Variants in AGBL1 observed in about 807,000 individuals in gnomAD.
The protein encoded by AGBL1 is AGBL carboxypeptidase 1.
Under a neutral mutation model 118.9 loss-of-function variants are expected in AGBL1, and 130 were observed. That is an observed-to-expected ratio of 1.09 (90% CI 0.95 to 1.26). The LOEUF (loss-of-function observed/expected upper bound fraction) is 1.26, where lower values mean the gene tolerates loss of function less well. AGBL1 is among the 50% of genes most tolerant of loss of function. AGBL1 has a pLI of 0.00. For synonymous variants in AGBL1, 555 were observed against 478.9 expected (o/e 1.16, Z -2.08); for missense variants, 1,584 against 1,298.1 (o/e 1.22, Z -3.38).
chr15:86,226,565 G>A (rs951006380), intron 6 of AGBL1, among the ~76,000 whole-genome samples: 2 of 152,184 alleles, frequency 1.3e-5, no homozygotes, highest in Admixed American at 1.3e-4. Flanking sequence ...AACTCTGAAA[G>A]TAGTCTTATG....
intron 22 of AGBL1, among the ~76,000 whole-genome samples, chr15:86,837,992 T>G (rs544942952): frequency 1.3e-5 from 2 of 152,284 alleles, no homozygotes; most frequent in African/African-American, 4.8e-5. Flanking sequence ...AATCGTTTCC[T>G]CCATTGAATT....
intron 5 of AGBL1, among the ~76,000 whole-genome samples, chr15:86,200,891 C>T (rs116244973): frequency 0.031 from 4,721 of 152,150 alleles, 116 homozygotes; most frequent in East Asian, 0.084. Context: ...GTTAGGATTA[C>T]AGGTGTGAGC....
At chr15:86,463,598 T>C (rs1316722039) in intron 18 of AGBL1, among the ~76,000 whole-genome samples, 2 of 152,228 alleles carry the variant, frequency 1.3e-5, no homozygotes, top group African/African-American at 2.4e-5. Flanking sequence ...CTTTAATCCA[T>C]CTTGAGTTAA....
intron 23 of AGBL1, among the ~76,000 whole-genome samples, chr15:86,986,208 G>T (rs181313143): frequency 2.6e-5 from 4 of 152,272 alleles, no homozygotes; most frequent in Admixed American, 2.6e-4. Context: ...ACAGGCGTGA[G>T]CCACGGCGCC....
intron 1 of AGBL1, among the ~76,000 whole-genome samples, chr15:86,136,141 A>T (rs1031875909): frequency 6.6e-6 from 1 of 152,134 alleles, no homozygotes; most frequent in South Asian, 2.1e-4. Context: ...ATACCATGGG[A>T]AGCAGTAGAA....
At chr15:86,831,709 G>A (rs1427728031) in intron 22 of AGBL1, among the ~76,000 whole-genome samples, 3 of 152,178 alleles carry the variant, frequency 2.0e-5, no homozygotes, top group African/African-American at 7.2e-5. Context: ...TTGAGTGACT[G>A]CAGATTTTCC....
intron 21 of AGBL1, among the ~76,000 whole-genome samples, chr15:86,584,897 C>T (rs1252598090): frequency 6.6e-6 from 1 of 152,080 alleles, no homozygotes; most frequent in Non-Finnish European, 1.5e-5. Flanking sequence ...AGACCTTTGA[C>T]TTCCTTGATT....
At chr15:86,236,243 G>A (rs1484937158) in intron 6 of AGBL1, among the ~76,000 whole-genome samples, 5 of 152,112 alleles carry the variant, frequency 3.3e-5, no homozygotes, top group Admixed American at 6.6e-5. Flanking sequence ...CAGTCCCAGG[G>A]GCACACAGTA....
intron 18 of AGBL1, among the ~76,000 whole-genome samples, chr15:86,497,870 A>G (rs2082872994): frequency 6.6e-6 from 1 of 151,820 alleles, no homozygotes. Context: ...TAAATCACAT[A>G]CCGCTACACC....
At chr15:86,338,158 C>T (rs983627369) in intron 17 of AGBL1, among the ~76,000 whole-genome samples, 2 of 152,108 alleles carry the variant, frequency 1.3e-5, no homozygotes, top group Non-Finnish European at 2.9e-5. Context: ...GAGAAAAGGT[C>T]AGGAAGTCTC....
At chr15:86,230,434 C>A (rs2078437512) in intron 6 of AGBL1, among the ~76,000 whole-genome samples, 1 of 152,202 alleles carries the variant, frequency 6.6e-6, no homozygotes, top group South Asian at 2.1e-4. Flanking sequence ...CATTGTTAAT[C>A]CTTTGATCTC....
chr15:86,716,301 T>A (rs765237879), intron 22 of AGBL1, among the ~76,000 whole-genome samples: 115 of 152,010 alleles, frequency 7.6e-4, no homozygotes, highest in Non-Finnish European at 1.5e-3. Flanking sequence ...TTTTTTTTTT[T>A]AAGTTAGCAT....
chr15:86,546,437 A>T (rs565730117), intron 20 of AGBL1, among the ~76,000 whole-genome samples: 1 of 152,246 alleles, frequency 6.6e-6, no homozygotes, highest in East Asian at 1.9e-4. Context: ...CTTTACAATT[A>T]TTCGATTATT....
At chr15:86,848,415 A>C (rs1402437961) in intron 22 of AGBL1, among the ~76,000 whole-genome samples, 1 of 152,226 alleles carries the variant, frequency 6.6e-6, no homozygotes, top group Non-Finnish European at 1.5e-5. Context: ...GAAAGAATTA[A>C]TGAGAATGTA....
intron 22 of AGBL1, among the ~76,000 whole-genome samples, chr15:86,866,332 T>C (rs1255528519): frequency 6.6e-6 from 1 of 152,184 alleles, no homozygotes; most frequent in Non-Finnish European, 1.5e-5. Flanking sequence ...TCAGTTCCAT[T>C]GATGGCCTGA....
intron 22 of AGBL1, among the ~76,000 whole-genome samples, chr15:86,871,681 C>G (rs2079730161): frequency 6.6e-6 from 1 of 152,126 alleles, no homozygotes; most frequent in East Asian, 1.9e-4. Flanking sequence ...GGTTTTTATT[C>G]TGGTATTGCA....
chr15:86,844,405 A>T (rs2079289571), intron 22 of AGBL1, among the ~76,000 whole-genome samples: 2 of 152,130 alleles, frequency 1.3e-5, no homozygotes, highest in African/African-American at 4.8e-5. Context: ...TAGCTATTCT[A>T]GTGAGTTGTA....
intron 5 of AGBL1, among the ~76,000 whole-genome samples, chr15:86,208,460 G>T (rs4887413): frequency 0.54 from 82,006 of 151,928 alleles, 22,375 homozygotes; most frequent in South Asian, 0.74. Context: ...TGGACTTTTT[G>T]GATTGGTAGG....
intron 21 of AGBL1, among the ~76,000 whole-genome samples, chr15:86,572,799 G>A (rs2084029818): frequency 6.6e-6 from 1 of 152,280 alleles, no homozygotes; most frequent in Non-Finnish European, 1.5e-5. Context: ...TGGACGGCCC[G>A]CCCCTGCCAT....
Sources: gnomAD v4.1 joint callset for allele counts (sites outside exome capture counted in the v4.1 genomes callset) on GRCh38, gnomAD v4.1.1 for gene constraint, MANE v1.5 for transcripts, NCBI Gene and HGNC (gene_info 2026-07-23, HGNC 2026-07-21) for gene names.